NRF1: variants seen among roughly 807,000 people sequenced by gnomAD.
NRF1 encodes the protein nuclear respiratory factor 1, also known as alpha palindromic-binding protein.
Under a neutral mutation model 58.5 loss-of-function variants are expected in NRF1, and 5 were observed. That is an observed-to-expected ratio of 0.09 (90% CI 0.04 to 0.18). The LOEUF is 0.18. Among genes scored for constraint, NRF1 ranks in the 10% least tolerant of loss-of-function variants. The pLI is 1.00. For missense variants in NRF1, 288 were observed against 657.7 expected, an observed-to-expected ratio of 0.44 and a Z score of 6.15; for synonymous variants, 224 against 246.7, an observed-to-expected ratio of 0.91 and a Z score of 0.86.
intron 9 of NRF1, among the ~76,000 whole-genome samples, chr7:129,723,165 C>T (rs569694735): frequency 1.1e-3 from 165 of 151,816 alleles, no homozygotes; most frequent in Non-Finnish European, 1.8e-3. Flanking sequence ...ATTTCCAGGC[C>T]GGGTGCGGTG....
intron 2 of NRF1, among the ~76,000 whole-genome samples, chr7:129,663,235 C>T (rs940430549): frequency 2.0e-5 from 3 of 152,180 alleles, no homozygotes; most frequent in East Asian, 1.9e-4. Context: ...AAACCGCCAT[C>T]GTCATCATGG....
rs67190499 is a variant in NRF1 at position 129,619,490 on chromosome 7, G to GTATA, written c.-7+7686_-7+7689dup. Among the ~76,000 whole-genome samples the GTATA allele has an allele frequency of 7.6e-3, 370 of 48,462 alleles. 4 individuals are homozygous for GTATA. Among genetic ancestry groups the GTATA allele is most frequent in the Non-Finnish European group, 0.01 (284 of 27,268 alleles). The allele number at this position is 48,462 out of a possible 152,430, so 31.8% of individuals were successfully genotyped here. A position where few individuals can be genotyped will look rare whatever the true frequency, so the allele number is the denominator to read the frequency against. ...TGTGTGTGTGTGTGTGTGTGTGTGT[G>GTATA]TATATATATATATATATATATATGT... On this transcript the variant is annotated intron_variant, in intron 1 of 10. Transcript: ENST00000393232.
At chr7:129,715,172 G>C (rs980106272) in intron 8 of NRF1, among the ~76,000 whole-genome samples, 1 of 152,204 alleles carries the variant, frequency 6.6e-6, no homozygotes, top group African/African-American at 2.4e-5. Context: ...AAAATCAGTA[G>C]TTCTGTACCC....
chr7:129,693,935 C>T (rs1464262947), intron 5 of NRF1, among the ~76,000 whole-genome samples: 1 of 152,124 alleles, frequency 6.6e-6, no homozygotes. Flanking sequence ...ATTATATCAT[C>T]GTGGATTGGC....
intron 1 of NRF1, among the ~76,000 whole-genome samples, chr7:129,634,399 GTT>G (rs1275184440): frequency 1.3e-5 from 2 of 151,940 alleles, no homozygotes; most frequent in African/African-American, 2.4e-5. Context: ...TGTCTCCATA[GTT>G]TTGCCTTTTC....
Position 129,673,672 on chromosome 7 carries a change from G to C in NRF1, c.338+2129G>C, listed in dbSNP as rs1487425412. ...GCGGAGCTTGCAGTGAGCGGAGATC[G>C]CGCCACAGCACTCCCGCCTGGGCGA... is the stretch of plus-strand genomic sequence containing the variant. On this transcript the variant is annotated intron_variant, in intron 3 of 10. Coordinates refer to ENST00000393232, the MANE Select transcript of NRF1 (RefSeq NM_005011.5). 6.4e-3 allele frequency among the ~76,000 whole-genome samples: 885 copies of C among 137,288 alleles called. 4 individuals carry two copies. The highest frequency in any genetic ancestry group is 7.1e-3 in the Admixed American group (89 of 12,524). The allele number at this position is 137,288 out of a possible 152,430, so 90.1% of individuals were successfully genotyped here.
chr7:129,686,604 T>G (rs2151090881), intron 4 of NRF1, among the ~76,000 whole-genome samples: 1 of 152,356 alleles, frequency 6.6e-6, no homozygotes, highest in South Asian at 2.1e-4. Flanking sequence ...AGAATTATGG[T>G]AAGGATTATT....
intron 10 of NRF1, among the ~76,000 whole-genome samples, chr7:129,736,610 A>AT (rs71167212): frequency 0.35 from 50,847 of 146,704 alleles, 8,721 homozygotes; most frequent in Admixed American, 0.44. Flanking sequence ...AGGTATTTGT[A>AT]TTTTTTTTTG....
At chr7:129,744,527 C>T (rs1189924380) in intron 10 of NRF1, among the ~76,000 whole-genome samples, 2 of 152,230 alleles carry the variant, frequency 1.3e-5, no homozygotes, top group Admixed American at 6.5e-5. Context: ...AACTGCTGGC[C>T]TCAAGTGATC....
intron 4 of NRF1, among the ~76,000 whole-genome samples, chr7:129,684,521 A>G (rs866178389): frequency 8.5e-5 from 13 of 152,342 alleles, no homozygotes; most frequent in Middle Eastern, 3.4e-3. Context: ...TGATTAAAGA[A>G]CTACATCCCT....
At chr7:129,752,753 TGAAA>T (rs1262883871) in intron 10 of NRF1, among the ~76,000 whole-genome samples, 2 of 152,092 alleles carry the variant, frequency 1.3e-5, no homozygotes, top group Admixed American at 6.5e-5. Context: ...AGGGGTGAAC[TGAAA>T]GAGAGATTAA....
At chr7:129,738,152 A>G (rs1227779062) in intron 10 of NRF1, among the ~76,000 whole-genome samples, 1 of 152,232 alleles carries the variant, frequency 6.6e-6, no homozygotes. Context: ...GAAAAAGCAA[A>G]TGAAGATTCA....
chr7:129,725,419 C>T (rs1803429159), intron 9 of NRF1, among the ~76,000 whole-genome samples: 1 of 152,070 alleles, frequency 6.6e-6, no homozygotes, highest in Non-Finnish European at 1.5e-5. Flanking sequence ...TCTCCACCTC[C>T]CGGGTTCAAG....
intron 10 of NRF1, among the ~76,000 whole-genome samples, chr7:129,746,171 G>A (rs1423580902): frequency 6.6e-6 from 1 of 152,160 alleles, no homozygotes; most frequent in Non-Finnish European, 1.5e-5. Flanking sequence ...CCAAAAGCTT[G>A]GACTTAGGAA....
At chr7:129,658,005 T>C (rs147598973) in intron 2 of NRF1, among the ~76,000 whole-genome samples, 86 of 152,316 alleles carry the variant, frequency 5.6e-4, no homozygotes, top group African/African-American at 1.9e-3. Flanking sequence ...GTGTTATGGC[T>C]TTGGTTTTAT....
rs146905256 is a variant in NRF1 at position 129,693,451 on chromosome 7, G to A, written c.606+2905G>A. Among the ~76,000 whole-genome samples the A allele has an allele frequency of 7.6e-3, 1,155 of 152,242 alleles. 17 individuals carry two copies. Among genetic ancestry groups the A allele is most frequent in the African/African-American group, 0.026 (1,095 of 41,536 alleles). On this transcript the variant is annotated intron_variant, in intron 5 of 10. Transcript: ENST00000393232. ...TCTAAACCAAGCTTGTCCAACCCAC[G>A]TCCCGCAAGACGCATGTGACCCAGA...
chr7:129,625,200 A>G (rs1392983254), intron 1 of NRF1, among the ~76,000 whole-genome samples: 1 of 152,026 alleles, frequency 6.6e-6, no homozygotes, highest in East Asian at 1.9e-4. Flanking sequence ...TCTCCGTGTA[A>G]TCTCTATCTG....
chr7:129,712,704 G>A (rs1403182920), intron 8 of NRF1, among the ~76,000 whole-genome samples: 2 of 152,228 alleles, frequency 1.3e-5, no homozygotes, highest in African/African-American at 4.8e-5. Context: ...GCTGCAAAGC[G>A]TATGTGCCTC....
rs1156588306 is a variant in NRF1, at chr7:129,751,425, T to C, written c.1349-3593T>C. On this transcript the variant is annotated intron_variant, in intron 10 of 10. Transcript: ENST00000393232. Reference sequence around the variant, plus strand: ...CAGTATCAGCCAATAGATAGATTTTTGCATTAGAACCTTGCTTCATTTATT... The same window carrying C: ...CAGTATCAGCCAATAGATAGATTTTCGCATTAGAACCTTGCTTCATTTATT... Among the ~76,000 whole-genome samples the C allele has an allele frequency of 9.2e-5, 14 of 152,260 alleles. 1 individual carries two copies. The highest frequency in any genetic ancestry group is 9.2e-4 in the Admixed American group (14 of 15,286).
Sources: allele counts gnomAD v4.1 joint callset (sites outside exome capture counted in the v4.1 genomes callset), GRCh38; gene constraint gnomAD v4.1.1; transcripts MANE v1.5; gene names NCBI Gene and HGNC (gene_info 2026-07-23, HGNC 2026-07-21).